Variants in CCDC171 observed in about 807,000 individuals in gnomAD.
CCDC171 encodes the protein coiled-coil domain containing 171.
In CCDC171, 177 loss-of-function variants were observed where a neutral mutation model predicts 168.2. The ratio of observed to expected loss-of-function variants is 1.05; its 90% CI spans 0.93 to 1.19. The LOEUF (loss-of-function observed/expected upper bound fraction) is 1.19. Among genes scored for constraint, CCDC171 ranks in the 50% most tolerant of loss-of-function variants. The pLI is 0.00. For missense variants in CCDC171, 1,991 were observed against 1,539.0 expected (o/e 1.29, Z -4.91); for synonymous variants, 687 against 540.8 (o/e 1.27, Z -3.75).
chr9:15,624,589 T>G (rs1236527572), intron 7 of CCDC171, among the ~76,000 whole-genome samples: 1 of 152,152 alleles, frequency 6.6e-6, no homozygotes, highest in Non-Finnish European at 1.5e-5. Flanking sequence ...TGCAATAGTT[T>G]GCTCAGAATG....
In CCDC171 at chr9:15,880,185, G is replaced by C. The variant is rs146198865; in HGVS notation, c.3600+5522G>C. On this transcript the variant is annotated intron_variant, in intron 24 of 25. Coordinates refer to ENST00000380701, the MANE Select transcript of CCDC171 (RefSeq NM_173550.4). Reference sequence around the variant, plus strand: ...GATTTTCTTTTTCATTGCTTTCTAAGTCCATGACTGTGCTTTGAATGTTTG... The same window carrying C: ...GATTTTCTTTTTCATTGCTTTCTAACTCCATGACTGTGCTTTGAATGTTTG... Among the ~76,000 whole-genome samples the C allele has an allele frequency of 7.8e-4, 118 of 152,228 alleles. 1 individual carries two copies. Among genetic ancestry groups the C allele is most frequent in the African/African-American group, 2.6e-3 (110 of 41,534 alleles).
downstream of CCDC171, chr9:16,061,366 C>T (rs62550913): frequency 2.0e-5 from 3 of 152,174 alleles, no homozygotes; most frequent in Non-Finnish European, 4.4e-5. Context: ...CTGTTGGCAG[C>T]ACCTTAAGAA....
chr9:16,099,647 C>T, the CCDC171 span, among the ~76,000 whole-genome samples: 1 of 152,216 alleles, frequency 6.6e-6, no homozygotes, highest in Admixed American at 6.5e-5. Context: ...CATCCAAACT[C>T]CCATGAGTCC....
chr9:15,597,584 AG>A (rs2042473419), intron 6 of CCDC171, among the ~76,000 whole-genome samples: 1 of 152,148 alleles, frequency 6.6e-6, no homozygotes, highest in African/African-American at 2.4e-5. Context: ...GATGTTCATC[AG>A]GGATATTGGT....
At chr9:15,830,145 G>T (rs1169163050) in intron 21 of CCDC171, among the ~76,000 whole-genome samples, 1 of 152,074 alleles carries the variant, frequency 6.6e-6, no homozygotes, top group Non-Finnish European at 1.5e-5. Context: ...AGATAGCTTT[G>T]TATTTTCCTA....
chr9:16,069,226 A>G, the CCDC171 span, among the ~76,000 whole-genome samples: 2 of 152,206 alleles, frequency 1.3e-5, no homozygotes, highest in African/African-American at 4.8e-5. Flanking sequence ...CATGGAAAAA[A>G]GCTCTGAGTG....
At chr9:15,618,368 C>A (rs974199799) in intron 6 of CCDC171, among the ~76,000 whole-genome samples, 1 of 152,142 alleles carries the variant, frequency 6.6e-6, no homozygotes, top group Non-Finnish European at 1.5e-5. Context: ...CGCTGCTTCC[C>A]CCACCAAGCT....
chr9:15,771,046 A>G (rs2056986340), intron 18 of CCDC171, among the ~76,000 whole-genome samples: 1 of 152,180 alleles, frequency 6.6e-6, no homozygotes, highest in Non-Finnish European at 1.5e-5. Flanking sequence ...CATTAATTGT[A>G]TTTAGTTACA....
intron 11 of CCDC171, among the ~76,000 whole-genome samples, chr9:15,705,897 C>G (rs1265936629): frequency 1.3e-5 from 2 of 152,116 alleles, no homozygotes; most frequent in Non-Finnish European, 2.9e-5. Flanking sequence ...GGTTGAAGGT[C>G]TATTTTACAT....
the CCDC171 span, among the ~76,000 whole-genome samples, chr9:16,097,317 T>C: frequency 6.6e-6 from 1 of 152,214 alleles, no homozygotes; most frequent in Non-Finnish European, 1.5e-5. Context: ...TAAGGGTGGA[T>C]GGTTATGGTT....
chr9:15,976,925 G>A (rs1831636514), downstream of CCDC171, among the ~76,000 whole-genome samples: 2 of 152,036 alleles, frequency 1.3e-5, no homozygotes, highest in Admixed American at 1.3e-4. Context: ...TGTTAAATGT[G>A]ATCAAACCTA....
At chr9:15,641,464 T>C (rs1189637960) in intron 7 of CCDC171, among the ~76,000 whole-genome samples, 1 of 152,224 alleles carries the variant, frequency 6.6e-6, no homozygotes, top group Non-Finnish European at 1.5e-5. Context: ...TGTACACATA[T>C]GTTTTCATAA....
intron 23 of CCDC171, among the ~76,000 whole-genome samples, chr9:15,857,877 T>C (rs4740627): frequency 0.36 from 54,937 of 151,826 alleles, 12,440 homozygotes; most frequent in East Asian, 0.65. Context: ...TTTTGTTCCA[T>C]AGAACTCTAT....
Position 16,032,718 on chromosome 9 carries a change from A to T in CCDC171, n.999-2739A>T, listed in dbSNP as rs1303947378. ...TAGCAGCCTCAAACTCCTGGGCTCG[A>T]GTGATCCTCCCACCTAGGCCTCCCA... On this transcript the variant is annotated intron_variant and non_coding_transcript_variant, in intron 6 of 9. Transcript: ENST00000486641. 2.0e-5 allele frequency among the ~76,000 whole-genome samples: 3 copies of T among 152,158 alleles called. No individual in the cohort carries two copies. In the South Asian group the frequency reaches 6.2e-4, roughly 32 times the overall value.
chr9:15,599,786 C>G (rs2042684829), intron 6 of CCDC171, among the ~76,000 whole-genome samples: 2 of 152,118 alleles, frequency 1.3e-5, no homozygotes, highest in African/African-American at 4.8e-5. Flanking sequence ...CAGGTACACC[C>G]ATCAGACGTA....
intron 23 of CCDC171, among the ~76,000 whole-genome samples, chr9:15,854,825 C>G (rs954121268): frequency 2.6e-5 from 4 of 151,514 alleles, no homozygotes; most frequent in Non-Finnish European, 4.4e-5. Flanking sequence ...TTTCTAATTT[C>G]TATGATTTCT....
intron 4 of CCDC171, among the ~76,000 whole-genome samples, chr9:15,581,885 A>C (rs572227525): frequency 6.6e-6 from 1 of 151,846 alleles, no homozygotes; most frequent in African/African-American, 2.4e-5. Flanking sequence ...GGACTTCATA[A>C]CTAAAACACC....
chr9:15,668,817 A>C (rs973147878), intron 9 of CCDC171, among the ~76,000 whole-genome samples: 2 of 152,116 alleles, frequency 1.3e-5, no homozygotes, highest in African/African-American at 4.8e-5. Flanking sequence ...GATGATTCTG[A>C]ATTTTTTAAA....
chr9:15,797,987 G>T (rs941510545), intron 21 of CCDC171, among the ~76,000 whole-genome samples: 1 of 152,048 alleles, frequency 6.6e-6, no homozygotes, highest in African/African-American at 2.4e-5. Flanking sequence ...CTCTGTCTCT[G>T]TTTCATTGAT....
Sources: allele counts gnomAD v4.1 joint callset (sites outside exome capture counted in the v4.1 genomes callset), GRCh38; gene constraint gnomAD v4.1.1; transcripts MANE v1.5; gene names NCBI Gene and HGNC (gene_info 2026-07-23, HGNC 2026-07-21).